Variants in SPAG17 observed in about 807,000 individuals in gnomAD.
SPAG17 encodes sperm associated antigen 17, also known as sperm-associated antigen 17.
A neutral mutation model predicts 273.6 loss-of-function variants in SPAG17; 169 were observed. The ratio of observed to expected loss-of-function variants is 0.62; its 90% CI spans 0.55 to 0.70. SPAG17 has a LOEUF of 0.70. Ranked by LOEUF, SPAG17 falls within the 30% of genes least tolerant of loss-of-function variation. The probability of loss-of-function intolerance (pLI) is 0.00; values close to 1 mark genes in which losing one functional copy is unlikely to be tolerated. For missense variants in SPAG17, 2,557 were observed against 2,627.8 expected (o/e 0.97, Z 0.59); for synonymous variants, 825 against 873.2 (o/e 0.94, Z 0.97).
chr1:117,956,403 A>G (rs1310438654), intron 48 of SPAG17, among the ~76,000 whole-genome samples: 1 of 152,218 alleles, frequency 6.6e-6, no homozygotes, highest in Non-Finnish European at 1.5e-5. Context: ...CAATATCTAC[A>G]TATATATTCC....
chr1:118,097,835 T>A lies in SPAG17; in HGVS notation c.846A>T (p.Lys282Asn), dbSNP rs1655814422. The change falls in exon 7 of 49, where the codon AAA (lysine) becomes AAT (asparagine). Residue 282 changes from lysine (K) to asparagine (N), a missense_variant. Transcript: ENST00000336338. ...CTTTTATGGCATTTTCTTTCTTCAA[T>A]TTTTCTGCTTCTAGATCTAATAATA... Reference protein sequence around the residue: ...LLQSEDLEAEKLKKENAIKEL... With the variant: ...LLQSEDLEAENLKKENAIKEL... The A allele has an allele frequency of 6.3e-7, 1 of 1,587,136 alleles. No homozygotes were observed. Among genetic ancestry groups the A allele is most frequent in the Non-Finnish European group, 8.5e-7 (1 of 1,171,036 alleles).
intron 18 of SPAG17, among the ~76,000 whole-genome samples, chr1:118,061,953 A>T (rs1245503689): frequency 6.6e-6 from 1 of 152,226 alleles, no homozygotes; most frequent in African/African-American, 2.4e-5. Context: ...TCAATCTAAA[A>T]ATATGTACTA....
intron 18 of SPAG17, among the ~76,000 whole-genome samples, chr1:118,063,205 G>A (rs1308863512): frequency 6.6e-6 from 1 of 152,120 alleles, no homozygotes; most frequent in African/African-American, 2.4e-5. Flanking sequence ...AGCTACCAAT[G>A]ACTTTCTTCA....
intron 28 of SPAG17, among the ~76,000 whole-genome samples, chr1:118,022,197 A>G (rs1198262595): frequency 6.6e-6 from 1 of 152,160 alleles, no homozygotes; most frequent in African/African-American, 2.4e-5. Flanking sequence ...AAGAGACCTC[A>G]AGGAAATTAC....
chr1:117,977,089 C>A (rs1447818554), intron 43 of SPAG17, among the ~76,000 whole-genome samples: 1 of 151,664 alleles, frequency 6.6e-6, no homozygotes, highest in African/African-American at 2.4e-5. Context: ...GTGGGCAGAT[C>A]ACCTGAGGTC....
intron 13 of SPAG17, 126 bp downstream of exon 13, chr1:118,085,796 C>T: frequency 1.2e-6 from 1 of 851,772 alleles, no homozygotes; most frequent in Non-Finnish European, 1.7e-6. Flanking sequence ...ATCAAAATAC[C>T]CACCTTAGCC....
intron 1 of SPAG17, among the ~76,000 whole-genome samples, chr1:118,160,547 C>T (rs756636887): frequency 2.0e-5 from 3 of 152,170 alleles, no homozygotes; most frequent in Non-Finnish European, 4.4e-5. Flanking sequence ...TGAATACAAG[C>T]GTCTTCATTT....
At chr1:118,081,716 C>G in intron 13 of SPAG17, 74 bp from the exon 14 acceptor site, 3 of 1,234,952 alleles carry the variant, frequency 2.4e-6, no homozygotes, top group Non-Finnish European at 3.5e-6. Flanking sequence ...AGAGGGATAA[C>G]CAGGGAGTCT....
rs747684397 is a variant in SPAG17 at position 118,150,565 on chromosome 1, C to T, written c.293G>A (p.Gly98Asp). 1.3e-6 allele frequency: 2 copies of T among 1,576,606 alleles called. No individual in the cohort carries two copies. Among genetic ancestry groups the T allele is most frequent in the African/African-American group, 1.3e-5 (1 of 74,142 alleles). Residue 98 changes from glycine (G) to aspartate (D), a missense_variant, in exon 3 of 49, where the codon GGT becomes GAT. Coordinates refer to ENST00000336338, the MANE Select transcript of SPAG17 (RefSeq NM_206996.4). ...SSKKAKKPVG[G>D]NAPLYYEVLT... ...TACCTCATAATATAAAGGAGCATTA[C>T]CACCTACAGGTTTTTTTGCCTTTTT...
intron 7 of SPAG17, among the ~76,000 whole-genome samples, chr1:118,095,053 T>C (rs1655620322): frequency 4.6e-5 from 7 of 152,214 alleles, no homozygotes. Flanking sequence ...TCAGGAATGT[T>C]CTACCATAAC....
intron 4 of SPAG17, among the ~76,000 whole-genome samples, chr1:118,103,471 A>T (rs1335295622): frequency 6.6e-6 from 1 of 152,166 alleles, no homozygotes; most frequent in African/African-American, 2.4e-5. Flanking sequence ...ACATCAGTAA[A>T]GGCTGCAGGT....
chr1:118,115,503 G>T, intron 3 of SPAG17, 62 bp from the exon 4 acceptor site: 3 of 1,467,786 alleles, frequency 2.0e-6, no homozygotes, highest in Non-Finnish European at 1.8e-6. Flanking sequence ...CAGTCTGTCA[G>T]TGATGAAAAG....
intron 3 of SPAG17, among the ~76,000 whole-genome samples, chr1:118,139,376 C>T (rs564436225): frequency 5.3e-5 from 8 of 152,050 alleles, no homozygotes; most frequent in East Asian, 1.9e-4. Flanking sequence ...ATATAAGTTA[C>T]GACAGCCCAT....
chr1:118,152,916 T>C (rs1287696765), intron 1 of SPAG17, among the ~76,000 whole-genome samples: 2 of 152,200 alleles, frequency 1.3e-5, no homozygotes, highest in African/African-American at 4.8e-5. Flanking sequence ...CATTTCACAA[T>C]AAAGTACACA....
chr1:118,165,645 C>CTTTTTTTTTTTTTT (rs5777341), intron 1 of SPAG17, among the ~76,000 whole-genome samples: 1 of 108,352 alleles, frequency 9.2e-6, no homozygotes, highest in African/African-American at 3.6e-5. Context: ...AAAAAACTTT[C>CTTTTTTTTTTTTTT]TTTTTTTTTT....
At chr1:118,043,066 A>G (rs945506854) in intron 20 of SPAG17, among the ~76,000 whole-genome samples, 8 of 152,262 alleles carry the variant, frequency 5.3e-5, no homozygotes, top group African/African-American at 1.9e-4. Context: ...GACTACAGAT[A>G]TTGTAATTGC....
chr1:118,169,410 T>C (rs773324309), intron 1 of SPAG17, among the ~76,000 whole-genome samples: 5 of 152,196 alleles, frequency 3.3e-5, no homozygotes, highest in African/African-American at 4.8e-5. Flanking sequence ...AATATAGTAA[T>C]AAAAGCCAAC....
intron 30 of SPAG17, among the ~76,000 whole-genome samples, chr1:118,010,543 C>T (rs913737307): frequency 1.3e-5 from 2 of 152,176 alleles, no homozygotes; most frequent in Admixed American, 6.5e-5. Flanking sequence ...CCCTTCCTTA[C>T]ACCATATAGA....
intron 1 of SPAG17, among the ~76,000 whole-genome samples, chr1:118,152,727 T>TC (rs2102353308): frequency 6.6e-6 from 1 of 152,336 alleles, no homozygotes; most frequent in East Asian, 1.9e-4. Context: ...CATTCTTTTG[T>TC]CTCTAAATTC....
Sources: gnomAD v4.1 joint callset for allele counts (sites outside exome capture counted in the v4.1 genomes callset) on GRCh38, gnomAD v4.1.1 for gene constraint, MANE v1.5 for transcripts, NCBI Gene and HGNC (gene_info 2026-07-23, HGNC 2026-07-21) for gene names.